SEM1: variants seen among roughly 807,000 people sequenced by gnomAD.
The protein encoded by SEM1 is SEM1 26S proteasome subunit.
Under a neutral mutation model 12.7 loss-of-function variants are expected in SEM1, and 3 were observed. The observed-to-expected ratio is 0.24, with a 90% CI of 0.11 to 0.61. The LOEUF (loss-of-function observed/expected upper bound fraction) is 0.61, where lower values mean the gene tolerates loss of function less well. Among genes scored for constraint, SEM1 ranks in the 20% least tolerant of loss-of-function variants. SEM1 has a pLI of 0.88. For missense variants in SEM1, 59 were observed against 81.3 expected (o/e 0.73, Z 1.06); for synonymous variants, 30 against 27.8 (o/e 1.08, Z -0.25).
chr7:96,566,962 A>G (rs1805859241), intron 2 of SEM1, among the ~76,000 whole-genome samples: 1 of 151,664 alleles, frequency 6.6e-6, no homozygotes, highest in Admixed American at 6.6e-5. Flanking sequence ...TTTGGTATAC[A>G]TCTCAACTCT....
chr7:96,676,025 T>C (rs1031626765), intron 2 of SEM1, among the ~76,000 whole-genome samples: 7 of 152,346 alleles, frequency 4.6e-5, no homozygotes, highest in African/African-American at 1.7e-4. Context: ...TATACAGCTA[T>C]GTAGGTTGTA....
chr7:96,599,308 C>T (rs1047747671), intron 2 of SEM1, among the ~76,000 whole-genome samples: 24 of 152,070 alleles, frequency 1.6e-4, no homozygotes, highest in Admixed American at 1.6e-3. Flanking sequence ...CCTTTTCTTG[C>T]AGAAACTGAA....
intron 2 of SEM1, among the ~76,000 whole-genome samples, chr7:96,680,658 G>A (rs541933841): frequency 2.0e-5 from 3 of 152,070 alleles, no homozygotes; most frequent in Non-Finnish European, 4.4e-5. Flanking sequence ...GAGGGTAGGA[G>A]TATAAGCTTT....
downstream of SEM1, chr7:96,688,260 A>G (rs1384299970): frequency 6.6e-6 from 1 of 152,160 alleles, no homozygotes; most frequent in Non-Finnish European, 1.5e-5. Context: ...GCACTTGTTG[A>G]TAAAGTATCT....
intron 1 of SEM1, 117 bp from the exon 2 acceptor site, chr7:96,695,008 C>G: frequency 1.5e-6 from 1 of 655,586 alleles, no homozygotes; most frequent in Non-Finnish European, 2.6e-6. Flanking sequence ...AAAACCATAT[C>G]TATGAAAAAT....
rs142205205 is a variant in SEM1, at chr7:96,513,898, A to G, written c.171-7200T>C. ...ATTGCTATGTAATATTACTATAGTA[A>G]TATTACAATGGATACTACTATGAAG... On this transcript the variant is annotated intron_variant and NMD_transcript_variant, in intron 2 of 3. Coordinates refer to the SEM1 transcript ENST00000466986. 4.6e-5 allele frequency among the ~76,000 whole-genome samples: 7 copies of G among 152,230 alleles called. No homozygotes were observed. In the East Asian group the frequency reaches 5.8e-4, roughly 13 times the overall value.
rs938533779 is a variant in SEM1 at position 96,565,045 on chromosome 7, A to T, written c.171-58347T>A. 5.3e-5 allele frequency among the ~76,000 whole-genome samples: 8 copies of T among 152,090 alleles called. No individual in the cohort carries two copies. The East Asian group carries it at 1.2e-3, about 22-fold the overall frequency. ...TCACAGAGAAAGATAGATTACACCA[A>T]ACAAAACCTAGTCCTCCATTCCTCT... On this transcript the variant is annotated intron_variant and NMD_transcript_variant, in intron 2 of 3. Transcript: ENST00000466986.
chr7:96,525,508 T>C (rs1563045912), intron 2 of SEM1, among the ~76,000 whole-genome samples: 1 of 152,178 alleles, frequency 6.6e-6, no homozygotes, highest in African/African-American at 2.4e-5. Context: ...GTTGTGATTT[T>C]GAACCATCTG....
At chr7:96,507,035 C>T (rs1474100251) in intron 2 of SEM1, among the ~76,000 whole-genome samples, 4 of 151,764 alleles carry the variant, frequency 2.6e-5, no homozygotes, top group African/African-American at 4.8e-5. Context: ...TTAATTACAC[C>T]TGTAATACTT....
chr7:96,642,306 GT>G (rs1288596832), intron 2 of SEM1, among the ~76,000 whole-genome samples: 1 of 152,112 alleles, frequency 6.6e-6, no homozygotes, highest in East Asian at 1.9e-4. Context: ...TCTACCTAGA[GT>G]TTATAGAATT....
At chr7:96,573,586 A>C (rs747803965) in intron 2 of SEM1, among the ~76,000 whole-genome samples, 4 of 152,118 alleles carry the variant, frequency 2.6e-5, no homozygotes, top group African/African-American at 4.8e-5. Flanking sequence ...AGAATGTTGA[A>C]TATTGGCCCC....
intron 2 of SEM1, among the ~76,000 whole-genome samples, chr7:96,589,605 A>G (rs1392530844): frequency 6.6e-6 from 1 of 152,130 alleles, no homozygotes; most frequent in Non-Finnish European, 1.5e-5. Context: ...GTCATTTACA[A>G]CCTACATTTA....
intron 2 of SEM1, among the ~76,000 whole-genome samples, chr7:96,656,068 T>A (rs1227798074): frequency 6.6e-6 from 1 of 152,186 alleles, no homozygotes; most frequent in Non-Finnish European, 1.5e-5. Context: ...CTCCATAGGC[T>A]CAGTCCAGTC....
intron 2 of SEM1, among the ~76,000 whole-genome samples, chr7:96,530,980 A>G (rs1226784574): frequency 6.6e-6 from 1 of 152,122 alleles, no homozygotes; most frequent in Non-Finnish European, 1.5e-5. Context: ...GTCAGGCGCC[A>G]TGCCCAAAAC....
At chr7:96,621,726 A>G (rs1157994197), downstream of SEM1, 1 of 152,256 alleles carries the variant, frequency 6.6e-6, no homozygotes, top group Admixed American at 6.5e-5. Context: ...GAGAAATTAT[A>G]TTAGCAAATG....
chr7:96,483,602 C>A (rs1338278162), exon 4 of SEM1: 4 of 459,980 alleles, frequency 8.7e-6, no homozygotes, highest in Non-Finnish European at 1.6e-5. Flanking sequence ...TTGGAGAAGT[C>A]ACTGTCTGAA....
intron 2 of SEM1, among the ~76,000 whole-genome samples, chr7:96,526,376 A>G (rs1804464677): frequency 6.6e-6 from 1 of 152,060 alleles, no homozygotes; most frequent in Non-Finnish European, 1.5e-5. Context: ...TGAGTCCTCA[A>G]TATAAAGAGA....
intron 2 of SEM1, among the ~76,000 whole-genome samples, chr7:96,606,876 C>T (rs552295039): frequency 6.6e-6 from 1 of 152,138 alleles, no homozygotes. Flanking sequence ...CTCACATGTC[C>T]ATGTTATTTT....
chr7:96,551,628 C>G (rs1329343072), intron 2 of SEM1, among the ~76,000 whole-genome samples: 1 of 150,466 alleles, frequency 6.6e-6, no homozygotes, highest in Non-Finnish European at 1.5e-5. Flanking sequence ...TTGCTTGAAA[C>G]TGGGAGGCGG....
Sources: gnomAD v4.1 joint callset for allele counts (sites outside exome capture counted in the v4.1 genomes callset) on GRCh38, gnomAD v4.1.1 for gene constraint, MANE v1.5 for transcripts, NCBI Gene and HGNC (gene_info 2026-07-23, HGNC 2026-07-21) for gene names.